NMBR: variants seen among roughly 807,000 people sequenced by gnomAD.
NMBR encodes the protein neuromedin-B receptor.
A neutral mutation model predicts 20.5 loss-of-function variants in NMBR; 16 were observed. The observed-to-expected ratio is 0.78, with a 90% CI of 0.53 to 1.19. NMBR has a LOEUF of 1.19. Among genes scored for constraint, NMBR ranks in the 50% most tolerant of loss-of-function variants. The pLI is 0.00. For synonymous variants in NMBR, 212 were observed against 196.6 expected, an observed-to-expected ratio of 1.08 and a Z score of -0.65; for missense variants, 582 against 499.1, an observed-to-expected ratio of 1.17 and a Z score of -1.58.
Position 142,139,871 on chromosome 6 carries a change from T to C in NMBR, c.-664+7173A>G, listed in dbSNP as rs368800793. Among the ~76,000 whole-genome samples, 4 of 152,262 alleles carry C rather than the reference T, an allele frequency of 2.6e-5. No homozygotes were observed. The South Asian group carries it at 8.3e-4, about 32-fold the overall frequency. On this transcript the variant is annotated intron_variant, in intron 1 of 3. Coordinates refer to ENST00000258042, the MANE Select transcript of NMBR (RefSeq NM_002511.4). ...AATTTTTCTGACTAAAATGCAAATA[T>C]AGTAAAAATTAATAAGAGCATCAAA...
At chr6:142,130,542 T>G (rs1407503461) in intron 1 of NMBR, among the ~76,000 whole-genome samples, 2 of 152,148 alleles carry the variant, frequency 1.3e-5, no homozygotes, top group South Asian at 2.1e-4. Context: ...TAGAGAGAGA[T>G]ATTTCTTTAA....
chr6:142,097,311 C>A (rs1425432403), intron 1 of NMBR, among the ~76,000 whole-genome samples: 1 of 152,020 alleles, frequency 6.6e-6, no homozygotes, highest in Non-Finnish European at 1.5e-5. Flanking sequence ...TGGCTGGTAC[C>A]AGTTGTTCCT....
chr6:142,142,325 G>A (rs959626983), intron 1 of NMBR, among the ~76,000 whole-genome samples: 1 of 152,126 alleles, frequency 6.6e-6, no homozygotes, highest in African/African-American at 2.4e-5. Flanking sequence ...GCCATTTCAT[G>A]TAAGGAGGCT....
chr6:142,093,982 C>T (rs187653445), intron 1 of NMBR, among the ~76,000 whole-genome samples: 94,470 of 147,716 alleles, frequency 0.64, 32,185 homozygotes, highest in East Asian at 0.87. Flanking sequence ...TATCCTTCGC[C>T]CACTCTTTGA....
intron 2 of NMBR, 49 bp from the exon 3 acceptor site, chr6:142,078,952 A>G: frequency 7.6e-7 from 1 of 1,318,724 alleles, no homozygotes; most frequent in Non-Finnish European, 1.0e-6. Context: ...AGGAAAGAAA[A>G]AAGAGAAAGA....
rs977372916 is a variant in NMBR, at chr6:142,078,902, A to G, written c.424T>C (p.Tyr142His). ...TCCATGGGGTTAACGATGGCTCTGT[A>G]CCTGGGAAAATGATACATCTCAAGT... ...FTLTALSADRYRAIVNPMDMQ... is the reference protein window; with the variant it reads ...FTLTALSADRHRAIVNPMDMQ... Residue 142 changes from tyrosine to histidine, a missense_variant and splice_region_variant, in exon 3 of 4, where the codon TAC (tyrosine) becomes CAC (histidine). Coordinates refer to ENST00000258042, the MANE Select transcript of NMBR (RefSeq NM_002511.4). 11 of 1,580,528 alleles carry G rather than the reference A, an allele frequency of 7.0e-6. No homozygotes were observed. Among genetic ancestry groups the G allele is most frequent in the Non-Finnish European group, 9.5e-6 (11 of 1,160,720 alleles).
chr6:142,098,361 G>A (rs1777499624), intron 1 of NMBR, among the ~76,000 whole-genome samples: 1 of 152,110 alleles, frequency 6.6e-6, no homozygotes, highest in Non-Finnish European at 1.5e-5. Flanking sequence ...GACATAGGGT[G>A]ATATTGATTG....
chr6:142,134,956 T>C (rs900504904), intron 1 of NMBR: 2 of 508,278 alleles, frequency 3.9e-6, no homozygotes, highest in African/African-American at 3.9e-5. Flanking sequence ...CTGCAGTTAT[T>C]TATCATTTTT....
intron 1 of NMBR, among the ~76,000 whole-genome samples, chr6:142,126,757 A>ATTTTTTTTTTTTT (rs34631481): frequency 3.9e-5 from 2 of 51,362 alleles, no homozygotes; most frequent in Admixed American, 2.4e-4. Flanking sequence ...TATTTGAGGG[A>ATTTTTTTTTTTTT]TTTTTTTTTT....
At chr6:142,089,861 G>T (rs956164217) in intron 1 of NMBR, among the ~76,000 whole-genome samples, 2 of 152,084 alleles carry the variant, frequency 1.3e-5, no homozygotes, top group South Asian at 2.1e-4. Flanking sequence ...ATGTGTTCAG[G>T]TGCACATTTG....
chr6:142,088,281 G>A lies in NMBR; in HGVS notation c.378C>T (p.Ser126=). 1.2e-6 allele frequency: 2 copies of A among 1,613,750 alleles called. No individual in the cohort carries two copies. Among genetic ancestry groups the A allele is most frequent in the Non-Finnish European group, 8.5e-7 (1 of 1,180,016 alleles). Reference sequence around the variant, plus strand: ...TGAGAGTGAACACGGAAACCCCCACGGAAGTGAGCTGGATGACAGGGATCA... The same window carrying A: ...TGAGAGTGAACACGGAAACCCCCACAGAAGTGAGCTGGATGACAGGGATCA... ...CKLIPVIQLT[S]VGVSVFTLTA... The change falls in exon 2 of 4, where the codon TCC becomes TCT. Residue 126 remains serine (S), a synonymous_variant. Transcript: ENST00000258042.
chr6:142,128,700 T>G (rs1161342734), intron 1 of NMBR, among the ~76,000 whole-genome samples: 1 of 152,092 alleles, frequency 6.6e-6, no homozygotes, highest in African/African-American at 2.4e-5. Context: ...AAGCAATCCT[T>G]GCATCTCAGA....
chr6:142,121,121 A>G (rs1777937700), intron 1 of NMBR, among the ~76,000 whole-genome samples: 1 of 151,904 alleles, frequency 6.6e-6, no homozygotes, highest in Admixed American at 6.6e-5. Flanking sequence ...TGATGATACT[A>G]CTGTAATTTT....
At chr6:142,093,346 C>T (rs935360427) in intron 1 of NMBR, among the ~76,000 whole-genome samples, 6 of 131,564 alleles carry the variant, frequency 4.6e-5, no homozygotes, top group African/African-American at 1.7e-4. Flanking sequence ...TGTTCCCCTT[C>T]CTGTGTCCAT....
chr6:142,102,763 A>C (rs12210273), intron 1 of NMBR, among the ~76,000 whole-genome samples: 40,587 of 152,050 alleles, frequency 0.27, 6,154 homozygotes, highest in East Asian at 0.71. Flanking sequence ...CTGGCCCTTC[A>C]TCTTCCATTT....
chr6:142,106,384 G>T (rs967328276), intron 1 of NMBR, among the ~76,000 whole-genome samples: 2 of 152,036 alleles, frequency 1.3e-5, no homozygotes, highest in African/African-American at 4.8e-5. Flanking sequence ...AAATCCCGAG[G>T]CTCTAATCTA....
intron 1 of NMBR, chr6:142,133,184 T>C (rs1314257067): frequency 8.7e-6 from 6 of 687,312 alleles, no homozygotes; most frequent in Admixed American, 2.1e-5. Context: ...ATCAAAAACT[T>C]CTATGAAGGA....
rs2114549403 is a variant in NMBR, at chr6:142,075,561, A to C, written c.*87T>G. 7.8e-7 allele frequency: 1 copy of C among 1,290,034 alleles called. No individual in the cohort carries two copies. The highest frequency in any genetic ancestry group is 2.4e-5 in the East Asian group (1 of 41,384). 79.9% of individuals were successfully genotyped at this position (1,290,034 alleles called of 1,614,324 possible). A position where few individuals can be genotyped will look rare whatever the true frequency, so the allele number is the denominator to read the frequency against. On this transcript the variant is annotated 3_prime_UTR_variant, in exon 4 of 4. Coordinates refer to ENST00000258042, the MANE Select transcript of NMBR (RefSeq NM_002511.4). ...CAATCATGCAATTGCCTAATAAATT[A>C]GCTAAGCAACAGCAAGTTCTGATCT...
chr6:142,115,495 T>C (rs1242814675), intron 1 of NMBR, among the ~76,000 whole-genome samples: 1 of 152,042 alleles, frequency 6.6e-6, no homozygotes, highest in Non-Finnish European at 1.5e-5. Flanking sequence ...GTCATGAAGC[T>C]GTGGAGAATT....
Sources: gnomAD v4.1 joint callset for allele counts (sites outside exome capture counted in the v4.1 genomes callset) on GRCh38, gnomAD v4.1.1 for gene constraint, MANE v1.5 for transcripts, NCBI Gene and HGNC (gene_info 2026-07-23, HGNC 2026-07-21) for gene names.